Variants in ITIH6 observed in about 807,000 individuals in gnomAD.
ITIH6 encodes the protein inter-alpha-trypsin inhibitor heavy chain family member 6.
In ITIH6, 60 loss-of-function variants were observed where a neutral mutation model predicts 58.2. The ratio of observed to expected loss-of-function variants is 1.03; its 90% CI spans 0.84 to 1.28. The LOEUF (loss-of-function observed/expected upper bound fraction) is 1.28, where lower values mean the gene tolerates loss of function less well. Ranked by LOEUF, ITIH6 falls within the 50% of genes most tolerant of loss-of-function variation. ITIH6 has a pLI of 0.00. For missense variants in ITIH6, 1,290 were observed against 1,021.1 expected (o/e 1.26, Z -3.59); for synonymous variants, 493 against 417.4 (o/e 1.18, Z -2.21).
chrX:54,776,000 A>T (rs970301273), intron 5 of ITIH6, among the ~76,000 whole-genome samples: 11 of 111,744 alleles, frequency 9.8e-5, no homozygotes, highest in Non-Finnish European at 1.9e-4. Context: ...CTTCATATCA[A>T]TGAAAGAGGC....
intron 6 of ITIH6, among the ~76,000 whole-genome samples, chrX:54,771,524 G>C (rs1042111900): frequency 9.0e-6 from 1 of 111,697 alleles, no homozygotes; most frequent in Non-Finnish European, 1.9e-5. Context: ...CTGATATCCA[G>C]CATTTCCTTT....
rs77081048 is a variant in ITIH6 at position 54,779,339 on chromosome X, A to T, written c.787-5142T>A. 1.8e-3 allele frequency among the ~76,000 whole-genome samples: 204 copies of T among 112,461 alleles called. 4 individuals carry two copies. The East Asian group carries it at 0.044, about 24-fold the overall frequency. On this transcript the variant is annotated intron_variant, in intron 5 of 12. Coordinates refer to ENST00000218436, the MANE Select transcript of ITIH6 (RefSeq NM_198510.3). ...AGTACTAACTAAACAACTTTTCAAG[A>T]CATAGTACAAGAAGTTACAAATAGA... is the stretch of plus-strand genomic sequence containing the variant.
At chrX:54,756,154 G>A (rs1359645037) in intron 8 of ITIH6, among the ~76,000 whole-genome samples, 4 of 111,189 alleles carry the variant, frequency 3.6e-5, no homozygotes, top group Non-Finnish European at 5.7e-5. Context: ...GCATGTAGAG[G>A]ATGTCATACC....
rs1928338956 is a variant in ITIH6, at chrX:54,750,944, G to T, written c.3730+59C>A. ...TGGGGATATACATGCCTTTCACCCT[G>T]GCAGGGTCTTTTTGGTGGCTGGTGC... On this transcript the variant is annotated intron_variant, in intron 12 of 12. Coordinates refer to ENST00000218436, the MANE Select transcript of ITIH6 (RefSeq NM_198510.3). 48 of 1,076,540 alleles carry T rather than the reference G, an allele frequency of 4.5e-5. No individual in the cohort carries two copies. In the South Asian group the frequency reaches 1.0e-3, roughly 23 times the overall value. 88.7% of individuals were successfully genotyped at this position (1,076,540 alleles called of 1,213,427 possible). A position where few individuals can be genotyped will look rare whatever the true frequency, so the allele number is the denominator to read the frequency against.
chrX:54,758,728 G>A lies in ITIH6; in HGVS notation c.1346C>T (p.Ala449Val). The change falls in exon 8 of 13, where the codon GCC becomes GTC. Residue 449 changes from alanine (A) to valine (V), a missense_variant. Physicochemically the swap from Ala to Val is moderately conservative, Grantham distance 64 (BLOSUM62 0). Transcript: ENST00000218436. ...RRLSLENRGI[A>V]RRIYEDTDAA... ...ATCAGTGTCCTCATATATGCGCCGGGCTATTCCCCGGTTTTCCAGGGACAG... is the reference window on the plus strand; with the variant it reads ...ATCAGTGTCCTCATATATGCGCCGGACTATTCCCCGGTTTTCCAGGGACAG... The A allele has an allele frequency of 8.3e-7, 1 of 1,211,211 alleles. No homozygotes were observed. Among genetic ancestry groups the A allele is most frequent in the Non-Finnish European group, 1.1e-6 (1 of 895,180 alleles).
chrX:54,786,838 G>A (rs146390475), intron 5 of ITIH6, among the ~76,000 whole-genome samples: 122 of 111,537 alleles, frequency 1.1e-3, no homozygotes, highest in African/African-American at 3.8e-3. Flanking sequence ...ATACCCTTCC[G>A]GGTTCCCAAC....
intron 7 of ITIH6, 136 bp from the exon 8 acceptor site, chrX:54,759,134 C>T (rs1928579966): frequency 8.6e-6 from 4 of 465,271 alleles, no homozygotes; most frequent in Non-Finnish European, 1.4e-5. Flanking sequence ...GTTTCTCCTT[C>T]CCAACTTCTC....
In ITIH6 at chrX:54,757,095, G is replaced by C. The variant is rs148457177; in HGVS notation, c.2979C>G (p.Leu993=). ...GAAGGAGCAGACTGATGGCCTCAGG[G>C]AGGATGCTAGAAGGCAGCAAGATTG... is the stretch of plus-strand genomic sequence containing the variant. ...NLPILLPSSI[L]PEAISLLLLP... is the part of the protein sequence containing the mutation. Residue 993 remains leucine (L), a synonymous_variant, in exon 8 of 13, where the codon CTC becomes CTG. Transcript: ENST00000218436. 61 of 1,209,828 alleles carry C rather than the reference G, an allele frequency of 5.0e-5. No individual in the cohort carries two copies. The East Asian group carries it at 6.5e-4, about 13-fold the overall frequency.
At position 54,753,940 on chromosome X, in the gene ITIH6, G is replaced by T; in HGVS notation, c.3228C>A (p.Phe1076Leu). 3.3e-6 allele frequency: 4 copies of T among 1,210,063 alleles called. No homozygotes were observed. The South Asian group carries it at 5.3e-5, about 16-fold the overall frequency. The change falls in exon 10 of 13, where the codon TTC becomes TTA. Residue 1076 changes from phenylalanine (F) to leucine (L), a missense_variant. By Grantham distance (22) the Phe-to-Leu change is conservative (BLOSUM62 0). Transcript: ENST00000218436. ...AKGTLPSIFT[F>L]SSSVDGDPHF... The stretch of plus-strand genomic sequence containing the variant: ...GGGTGACTGGCTTACCTGAGGAGGA[G>T]AAGGTGAAGATGCTAGGCAATGTGC...
chrX:54,791,994 C>T lies in ITIH6; in HGVS notation c.300G>A (p.Lys100=). ...NKVYIAEVKE[K]HQAKKIYEEA... is the part of the protein sequence containing the mutation. ...CTTCATAGATTTTCTTTGCCTGGTG[C>T]TTCTCTTTGACTTCTGCAATGTAGA... The change falls in exon 3 of 13, where the codon AAG becomes AAA. Residue 100 remains lysine, a synonymous_variant. Coordinates refer to ENST00000218436, the MANE Select transcript of ITIH6 (RefSeq NM_198510.3). 8.3e-7 allele frequency: 1 copy of T among 1,209,491 alleles called. No individual in the cohort carries two copies. Among genetic ancestry groups the T allele is most frequent in the Non-Finnish European group, 1.1e-6 (1 of 893,453 alleles).
Position 54,791,083 on chromosome X carries a change from C to T in ITIH6, c.370G>A (p.Asp124Asn). The T allele has an allele frequency of 8.3e-7, 1 of 1,210,198 alleles. No individual in the cohort carries two copies. Among genetic ancestry groups the T allele is most frequent in the Non-Finnish European group, 1.1e-6 (1 of 894,725 alleles). Residue 124 changes from aspartate to asparagine, a missense_variant and splice_region_variant, in exon 4 of 13, where the codon GAC becomes AAC. Asp to Asn is a conservative substitution (Grantham distance 23, BLOSUM62 1). Coordinates refer to ENST00000218436, the MANE Select transcript of ITIH6 (RefSeq NM_198510.3). ...GKTAAHVGIR[D>N]RESEKFRIST... ...ATGCGGAACTTCTCTGATTCCCGGT[C>T]CCTGGGCAGGAAAGGGAGGATGGTG... is the stretch of plus-strand genomic sequence containing the variant.
chrX:54,766,703 G>A (rs1212613134), intron 6 of ITIH6, among the ~76,000 whole-genome samples: 1,783 of 94,797 alleles, frequency 0.019, 26 homozygotes, highest in Middle Eastern at 0.071. Flanking sequence ...ATTGATTTGC[G>A]TATATTGAAC....
chrX:54,757,936 G>C lies in ITIH6; in HGVS notation c.2138C>G (p.Ser713Cys). The change falls in exon 8 of 13, where the codon TCT becomes TGT. Residue 713 changes from serine to cysteine, a missense_variant. Ser to Cys is a moderately radical substitution (Grantham distance 112). Transcript: ENST00000218436. Reference sequence around the variant, plus strand: ...GAGAGTTGGCTGGGCCAAGGTGCCAGAATCCTGTTGTGCTGGAATTTTGGC... The same window carrying C: ...GAGAGTTGGCTGGGCCAAGGTGCCACAATCCTGTTGTGCTGGAATTTTGGC... ...PKAKIPAQQD[S>C]GTLAQPTLRT... is the part of the protein sequence containing the mutation. 1 of 1,211,998 alleles carries C rather than the reference G, an allele frequency of 8.3e-7. No individual in the cohort carries two copies. The highest frequency in any genetic ancestry group is 1.1e-6 in the Non-Finnish European group (1 of 895,433).
chrX:54,767,263 A>G (rs1928813298), intron 6 of ITIH6, among the ~76,000 whole-genome samples: 1 of 104,277 alleles, frequency 9.6e-6, no homozygotes, highest in South Asian at 4.2e-4. Context: ...TATTGTGTCT[A>G]TTTGATTCTT....
chrX:54,781,063 C>T (rs1220581339), intron 5 of ITIH6, among the ~76,000 whole-genome samples: 4 of 111,483 alleles, frequency 3.6e-5, no homozygotes. Flanking sequence ...AACTGGACCC[C>T]TTCCTCATAC....
At chrX:54,788,459 C>T (rs1364741641) in intron 5 of ITIH6, 21 bp downstream of exon 5, 2 of 1,200,964 alleles carry the variant, frequency 1.7e-6, no homozygotes, top group Non-Finnish European at 2.3e-6. Context: ...ATCCTCTCTC[C>T]TCTTCCCCAG....
chrX:54,783,004 TTTA>T (rs1235203136), intron 5 of ITIH6, among the ~76,000 whole-genome samples: 1 of 112,385 alleles, frequency 8.9e-6, no homozygotes, highest in Non-Finnish European at 1.9e-5. Flanking sequence ...CCAAGTGGGA[TTTA>T]TCCCTGGGAT....
At chrX:54,764,453 C>T (rs1440546072) in intron 6 of ITIH6, among the ~76,000 whole-genome samples, 1 of 103,756 alleles carries the variant, frequency 9.6e-6, no homozygotes, top group Non-Finnish European at 2.0e-5. Context: ...TATTCCGCTT[C>T]CTGTGTCCAT....
chrX:54,786,310 G>C (rs1037890626), intron 5 of ITIH6, among the ~76,000 whole-genome samples: 4 of 111,557 alleles, frequency 3.6e-5, no homozygotes, highest in African/African-American at 9.8e-5. Context: ...GGCCTCATTC[G>C]TCTCAGGTTT....
Sources: allele counts gnomAD v4.1 joint callset (sites outside exome capture counted in the v4.1 genomes callset), GRCh38; gene constraint gnomAD v4.1.1; transcripts MANE v1.5; gene names NCBI Gene and HGNC (gene_info 2026-07-23, HGNC 2026-07-21).